The following NRXN1 variants were observed in gnomAD, a reference collection of about 807,000 sequenced individuals.
The protein encoded by NRXN1 is neurexin 1, also known as neurexin-1.
Under a neutral mutation model 150.9 loss-of-function variants are expected in NRXN1, and 39 were observed. The ratio of observed to expected loss-of-function variants is 0.26; its 90% CI spans 0.20 to 0.34. The LOEUF (loss-of-function observed/expected upper bound fraction) is 0.34. Among genes scored for constraint, NRXN1 ranks in the 10% least tolerant of loss-of-function variants. NRXN1 has a pLI of 1.00. For missense variants in NRXN1, 1,815 were observed against 1,949.9 expected, an observed-to-expected ratio of 0.93 and a Z score of 1.30; for synonymous variants, 924 against 757.0, an observed-to-expected ratio of 1.22 and a Z score of -3.62.
chr2:50,754,293 C>T (rs1292604168), intron 5 of NRXN1, among the ~76,000 whole-genome samples: 1 of 151,822 alleles, frequency 6.6e-6, no homozygotes, highest in Non-Finnish European at 1.5e-5. Flanking sequence ...CATATACACA[C>T]ATCCTCTTAT....
At chr2:51,024,267 A>G (rs994335457) in intron 2 of NRXN1, among the ~76,000 whole-genome samples, 1 of 152,162 alleles carries the variant, frequency 6.6e-6, no homozygotes, top group African/African-American at 2.4e-5. Flanking sequence ...GAAAGGTGAC[A>G]TTTTTGCTTA....
At chr2:50,482,014 C>T (rs563092166) in intron 15 of NRXN1, among the ~76,000 whole-genome samples, 4 of 137,234 alleles carry the variant, frequency 2.9e-5, no homozygotes, top group East Asian at 3.9e-4. Flanking sequence ...GTGATCCGCC[C>T]GCCTCGGCCT....
At chr2:50,606,813 T>C (rs1677206485) in intron 8 of NRXN1, among the ~76,000 whole-genome samples, 1 of 152,112 alleles carries the variant, frequency 6.6e-6, no homozygotes, top group African/African-American at 2.4e-5. Context: ...TCAGAAGTAA[T>C]ACTTAAAGAA....
At chr2:50,177,461 T>C (rs1298497596) in intron 18 of NRXN1, among the ~76,000 whole-genome samples, 1 of 151,918 alleles carries the variant, frequency 6.6e-6, no homozygotes, top group African/African-American at 2.4e-5. Context: ...AAGTATATTA[T>C]TTGAATAGCT....
In NRXN1 at chr2:50,251,519, T is replaced by C. The variant is rs529833848; in HGVS notation, c.3365-14549A>G. Among the ~76,000 whole-genome samples the C allele has an allele frequency of 2.2e-4, 34 of 152,274 alleles. 1 individual carries two copies. The highest frequency in any genetic ancestry group is 1.9e-3 in the South Asian group (9 of 4,820). The stretch of plus-strand genomic sequence containing the variant: ...GTGTACGTGTATCTTTATAATAGAA[T>C]GATTTATTGTTCTTTGGGTATATAC... On this transcript the variant is annotated intron_variant, in intron 17 of 22. Coordinates refer to ENST00000401669, the MANE Select transcript of NRXN1 (RefSeq NM_001330078.2).
At chr2:50,921,763 T>A in intron 5 of NRXN1, 106 bp downstream of exon 5, 2 of 444,356 alleles carry the variant, frequency 4.5e-6, no homozygotes, top group Middle Eastern at 3.3e-4. Context: ...TATACCTACC[T>A]CCCAGTGCCC....
At chr2:50,527,910 A>C (rs2093000086) in intron 12 of NRXN1, among the ~76,000 whole-genome samples, 1 of 152,166 alleles carries the variant, frequency 6.6e-6, no homozygotes. Context: ...GAAAGAAAAA[A>C]CCTGAGCATT....
At chr2:50,278,431 T>C (rs2070956618) in intron 17 of NRXN1, among the ~76,000 whole-genome samples, 1 of 149,094 alleles carries the variant, frequency 6.7e-6, no homozygotes, top group South Asian at 2.1e-4. Context: ...GGATTACAGA[T>C]GTGAGACACT....
rs199999127 is a variant in NRXN1 at position 49,920,528 on chromosome 2, A to G, written c.*1416T>C. Reference sequence around the variant, plus strand: ...AAGGTTCATTTCTTTAGGGACTAAAATCTTCTTAAGGTTACCTGGGAGCAA... The same window carrying G: ...AAGGTTCATTTCTTTAGGGACTAAAGTCTTCTTAAGGTTACCTGGGAGCAA... On this transcript the variant is annotated 3_prime_UTR_variant, in exon 23 of 23. Coordinates refer to ENST00000401669, the MANE Select transcript of NRXN1 (RefSeq NM_001330078.2). 1.3e-5 allele frequency: 2 copies of G among 152,618 alleles called. No individual in the cohort carries two copies. The highest frequency in any genetic ancestry group is 2.9e-5 in the Non-Finnish European group (2 of 68,046). The allele number at this position is 152,618 out of a possible 1,614,324, so 9.5% of individuals were successfully genotyped here.
At chr2:50,407,604 C>T in intron 17 of NRXN1, among the ~76,000 whole-genome samples, 1 of 152,014 alleles carries the variant, frequency 6.6e-6, no homozygotes, top group East Asian at 1.9e-4. Context: ...ATGTGTTAAT[C>T]CATCTGTGGA....
intron 13 of NRXN1, among the ~76,000 whole-genome samples, chr2:50,499,166 A>ATGTTTGCTT (rs2091810727): frequency 6.6e-6 from 1 of 152,158 alleles, no homozygotes; most frequent in African/African-American, 2.4e-5. Context: ...AACTGTTTAT[A>ATGTTTGCTT]TGTTTGCTTA....
chr2:50,579,698 G>A (rs1671968098), intron 8 of NRXN1, among the ~76,000 whole-genome samples: 1 of 152,086 alleles, frequency 6.6e-6, no homozygotes, highest in African/African-American at 2.4e-5. Context: ...TAGAGGAAGT[G>A]AGTTGGGAGT....
chr2:50,820,626 C>A (rs892494232), intron 5 of NRXN1, among the ~76,000 whole-genome samples: 6 of 152,100 alleles, frequency 3.9e-5, no homozygotes, highest in African/African-American at 1.4e-4. Flanking sequence ...CTTTCATCCT[C>A]GCTCTACCCT....
chr2:50,638,616 A>T (rs183147943), intron 5 of NRXN1, among the ~76,000 whole-genome samples: 215 of 152,292 alleles, frequency 1.4e-3, no homozygotes, highest in Non-Finnish European at 2.4e-3. Context: ...TCTCATGGAT[A>T]GGACGCATTC....
At chr2:50,559,266 A>G (rs1057507078) in intron 8 of NRXN1, among the ~76,000 whole-genome samples, 1 of 152,228 alleles carries the variant, frequency 6.6e-6, no homozygotes, top group African/African-American at 2.4e-5. Flanking sequence ...TCCAGTAAGT[A>G]GCAGATAAAT....
intron 5 of NRXN1, among the ~76,000 whole-genome samples, chr2:50,860,287 T>C (rs771916443): frequency 3.3e-5 from 5 of 152,142 alleles, no homozygotes; most frequent in Non-Finnish European, 5.9e-5. Flanking sequence ...GGTATGTCAC[T>C]TATCTTTCTG....
intron 5 of NRXN1, among the ~76,000 whole-genome samples, chr2:50,695,888 G>A (rs968065072): frequency 6.9e-6 from 1 of 145,662 alleles, no homozygotes; most frequent in African/African-American, 2.6e-5. Context: ...TTTCACTCAG[G>A]CTGGAGTGCA....
intron 22 of NRXN1, among the ~76,000 whole-genome samples, chr2:49,923,155 A>C (rs1369627333): frequency 1.3e-5 from 2 of 152,168 alleles, no homozygotes; most frequent in Non-Finnish European, 2.9e-5. Flanking sequence ...AGGCACTGAA[A>C]TTGATGATTG....
chr2:50,052,532 T>C (rs529706258), intron 21 of NRXN1, among the ~76,000 whole-genome samples: 6 of 152,138 alleles, frequency 3.9e-5, no homozygotes, highest in East Asian at 1.9e-4. Flanking sequence ...TGAAATGTAG[T>C]AGGCAATCAA....
Sources: allele counts gnomAD v4.1 joint callset (sites outside exome capture counted in the v4.1 genomes callset), GRCh38; gene constraint gnomAD v4.1.1; transcripts MANE v1.5; gene names NCBI Gene and HGNC (gene_info 2026-07-23, HGNC 2026-07-21).